SP110: variants seen among roughly 807,000 people sequenced by gnomAD.
SP110 encodes SP110 nuclear body protein, also known as interferon-induced protein 41, 30kD.
In SP110, 62 loss-of-function variants were observed where a neutral mutation model predicts 92.7. The ratio of observed to expected loss-of-function variants is 0.67; its 90% CI spans 0.55 to 0.83. SP110 has a LOEUF of 0.83. Ranked by LOEUF, SP110 falls within the 40% of genes least tolerant of loss-of-function variation. The pLI is 0.00. For missense variants in SP110, 793 were observed against 863.9 expected, an observed-to-expected ratio of 0.92 and a Z score of 1.03; for synonymous variants, 273 against 305.3, an observed-to-expected ratio of 0.89 and a Z score of 1.10.
intron 8 of SP110, among the ~76,000 whole-genome samples, chr2:230,204,379 C>T (rs1389848581): frequency 6.6e-6 from 1 of 152,198 alleles, no homozygotes; most frequent in Non-Finnish European, 1.5e-5. Flanking sequence ...TACTGGGCTG[C>T]TGGCCACGGG....
rs201866278 is a variant in SP110, at chr2:230,177,686, A to C, written c.1448-6T>G. 34 of 1,613,870 alleles carry C rather than the reference A, an allele frequency of 2.1e-5. No homozygotes were observed. The highest frequency in any genetic ancestry group is 2.5e-5 in the Non-Finnish European group (30 of 1,179,952). Reference sequence around the variant, plus strand: ...AATGCACTTCACTGAGGATCCTGTAAGAAAAAGCCCATTCTTGGATCTACC... The same window carrying C: ...AATGCACTTCACTGAGGATCCTGTACGAAAAAGCCCATTCTTGGATCTACC... On this transcript the variant is annotated splice_polypyrimidine_tract_variant and splice_region_variant and intron_variant, in intron 13 of 18. Coordinates refer to ENST00000258381, the MANE Select transcript of SP110 (RefSeq NM_080424.4).
At chr2:230,207,409 A>G (rs1468346624) in intron 8 of SP110, among the ~76,000 whole-genome samples, 1 of 152,108 alleles carries the variant, frequency 6.6e-6, no homozygotes, top group East Asian at 1.9e-4. Context: ...CAGCACTCAT[A>G]TATATAAGGA....
At chr2:230,190,036 T>C (rs901622702) in intron 10 of SP110, among the ~76,000 whole-genome samples, 2 of 152,214 alleles carry the variant, frequency 1.3e-5, no homozygotes, top group African/African-American at 4.8e-5. Flanking sequence ...GTCTTTACAG[T>C]AGAATGATTT....
chr2:230,200,005 T>C (rs760343769), intron 10 of SP110, among the ~76,000 whole-genome samples: 11 of 152,178 alleles, frequency 7.2e-5, no homozygotes, highest in Non-Finnish European at 1.6e-4. Context: ...TCTGCTAAAT[T>C]GGAATAGGTC....
intron 17 of SP110, among the ~76,000 whole-genome samples, chr2:230,171,241 T>C (rs9783994): frequency 0.11 from 16,665 of 152,246 alleles, 980 homozygotes; most frequent in Middle Eastern, 0.14. Flanking sequence ...TAGAGGTGCC[T>C]GCCACCATGC....
intron 10 of SP110, 151 bp from the exon 11 acceptor site, chr2:230,186,294 A>G (rs2042356669): frequency 1.4e-6 from 1 of 739,680 alleles, no homozygotes; most frequent in African/African-American, 2.1e-5. Flanking sequence ...ACTTCCTTCT[A>G]TTTCTCTTTT....
intron 10 of SP110, among the ~76,000 whole-genome samples, chr2:230,187,174 G>A (rs1055080118): frequency 1.3e-5 from 2 of 150,820 alleles, no homozygotes; most frequent in Admixed American, 1.3e-4. Context: ...ATTTTTTTTT[G>A]ACTTCTTAAT....
intron 8 of SP110, among the ~76,000 whole-genome samples, chr2:230,205,795 A>G (rs1416932861): frequency 6.6e-6 from 1 of 150,746 alleles, no homozygotes; most frequent in African/African-American, 2.5e-5. Context: ...GCAGCTGGCT[A>G]TGTGTTTCTT....
At chr2:230,204,403 G>A (rs772226766) in intron 8 of SP110, among the ~76,000 whole-genome samples, 5 of 152,292 alleles carry the variant, frequency 3.3e-5, no homozygotes, top group South Asian at 2.1e-4. Context: ...TGCAGAGTAC[G>A]TATGTCTGCC....
chr2:230,196,719 A>T (rs1172647965), intron 10 of SP110, among the ~76,000 whole-genome samples: 1 of 148,516 alleles, frequency 6.7e-6, no homozygotes, highest in African/African-American at 2.5e-5. Flanking sequence ...CAGTCCCCAG[A>T]GTGTGATGTT....
chr2:230,170,748 C>T lies in SP110; in HGVS notation c.1901G>A (p.Gly634Asp), dbSNP rs565324119. The T allele has an allele frequency of 1.2e-5, 19 of 1,614,146 alleles. No individual in the cohort carries two copies. In the South Asian group the frequency reaches 1.8e-4, roughly 15 times the overall value. ...TGIPFNIRDY[G>D]EPFQEAMWLD... is the part of the protein sequence containing the mutation. Reference sequence around the variant, plus strand: ...CCACATTGCTTCCTGAAAGGGCTCACCGTAATCTCGAATCTTGGGGACAAA... The same window carrying T: ...CCACATTGCTTCCTGAAAGGGCTCATCGTAATCTCGAATCTTGGGGACAAA... Residue 634 changes from glycine to aspartate, a missense_variant, in exon 18 of 19, where the codon GGT becomes GAT. Gly to Asp is a moderately conservative substitution (Grantham distance 94). Coordinates refer to ENST00000258381, the MANE Select transcript of SP110 (RefSeq NM_080424.4).
At chr2:230,182,201 C>T (rs2396710) in intron 12 of SP110, among the ~76,000 whole-genome samples, 3 of 146,642 alleles carry the variant, frequency 2.0e-5, no homozygotes, top group South Asian at 2.2e-4. Flanking sequence ...CAAACTAATG[C>T]AGGAACGGAA....
At chr2:230,184,975 T>C (rs561898421) in intron 11 of SP110, among the ~76,000 whole-genome samples, 1 of 152,346 alleles carries the variant, frequency 6.6e-6, no homozygotes, top group East Asian at 1.9e-4. Context: ...CGTATTTGCC[T>C]CTGGCTGCTG....
rs375823465 is a variant in SP110, at chr2:230,172,546, G to A, written c.1706+298C>T. On this transcript the variant is annotated intron_variant, in intron 15 of 18. Coordinates refer to ENST00000258381, the MANE Select transcript of SP110 (RefSeq NM_080424.4). ...ACTATGGTGAAATGTGTGACAAGCC[G>A]TGCTTCCTGTCTTTCCTCAACAGGC... 1.0e-3 allele frequency: 536 copies of A among 525,686 alleles called. 1 individual carries two copies. The highest frequency in any genetic ancestry group is 2.9e-3 in the South Asian group (138 of 47,640). 32.6% of individuals were successfully genotyped at this position (525,686 alleles called of 1,614,324 possible).
chr2:230,205,645 G>C (rs567114250), intron 8 of SP110, among the ~76,000 whole-genome samples: 1 of 152,118 alleles, frequency 6.6e-6, no homozygotes, highest in South Asian at 2.1e-4. Flanking sequence ...TATACAGTTA[G>C]TGCTCACTGC....
intron 10 of SP110, chr2:230,200,333 G>A (rs55809057): frequency 0.079 from 12,353 of 156,164 alleles, 683 homozygotes; most frequent in South Asian, 0.24. Flanking sequence ...TAATGGTAGC[G>A]ATAGTGAGGG....
chr2:230,175,859 G>A (rs1012044571), intron 14 of SP110, among the ~76,000 whole-genome samples: 3 of 152,014 alleles, frequency 2.0e-5, no homozygotes, highest in Non-Finnish European at 4.4e-5. Flanking sequence ...TACTCAGTAT[G>A]CAATCATGGA....
In SP110 at chr2:230,167,970, G is replaced by A. The variant is rs976894701; in HGVS notation, c.*1154C>T. The A allele has an allele frequency of 9.9e-5, 15 of 151,828 alleles. No individual in the cohort carries two copies. Among genetic ancestry groups the A allele is most frequent in the African/African-American group, 3.6e-4 (15 of 41,304 alleles). The allele number at this position is 151,828 out of a possible 1,614,324, so 9.4% of individuals were successfully genotyped here. A position where few individuals can be genotyped will look rare whatever the true frequency, so the allele number is the denominator to read the frequency against. Reference sequence around the variant, plus strand: ...TTGAGGAGTTTCTCACTAAAAGTGGGGAACTTGCACATGCCTGTAATCCCA... The same window carrying A: ...TTGAGGAGTTTCTCACTAAAAGTGGAGAACTTGCACATGCCTGTAATCCCA... On this transcript the variant is annotated 3_prime_UTR_variant, in exon 19 of 19. Transcript: ENST00000258381.
upstream of SP110, chr2:230,221,665 G>A (rs1574828330): frequency 1.3e-6 from 2 of 1,529,486 alleles, no homozygotes; most frequent in African/African-American, 2.7e-5. Flanking sequence ...GGTGGTAAAG[G>A]AATTAAGGTT....
Sources: gnomAD v4.1 joint callset for allele counts (sites outside exome capture counted in the v4.1 genomes callset) on GRCh38, gnomAD v4.1.1 for gene constraint, MANE v1.5 for transcripts, NCBI Gene and HGNC (gene_info 2026-07-23, HGNC 2026-07-21) for gene names.